Variants in AKAP1 observed in about 807,000 individuals in gnomAD.
AKAP1 encodes the protein A-kinase anchor protein 1, mitochondrial.
AKAP1 carries 32 observed loss-of-function variants against 79.8 expected under a neutral mutation model. The ratio of observed to expected loss-of-function variants is 0.40; its 90% confidence interval spans 0.30 to 0.54. The LOEUF (loss-of-function observed/expected upper bound fraction) is 0.54, where lower values mean the gene tolerates loss of function less well. Ranked by LOEUF, AKAP1 falls within the 20% of genes least tolerant of loss-of-function variation. The pLI, the probability that AKAP1 is intolerant of heterozygous loss-of-function variation, is 0.47. For missense variants in AKAP1, 961 were observed against 1,138.9 expected, an observed-to-expected ratio of 0.84 and a Z score of 2.25; for synonymous variants, 416 against 466.7, an observed-to-expected ratio of 0.89 and a Z score of 1.40.
At chr17:57,116,836 C>T (rs1405545785) in intron 7 of AKAP1, 24 bp from the exon 8 acceptor site, 3 of 1,611,764 alleles carry the variant, frequency 1.9e-6, no homozygotes, top group Admixed American at 3.3e-5. Context: ...CCACATTAAA[C>T]TTGTTCCTTT....
chr17:57,104,445 A>T (rs1914719302), intron 1 of AKAP1, among the ~76,000 whole-genome samples: 1 of 152,200 alleles, frequency 6.6e-6, no homozygotes, highest in African/African-American at 2.4e-5. Flanking sequence ...CTTACAATGG[A>T]GTTACATCCT....
In AKAP1 at chr17:57,105,632, A is replaced by T; in HGVS notation, c.168A>T (p.Glu56Asp). 6.2e-7 allele frequency: 1 copy of T among 1,613,870 alleles called. No individual in the cohort carries two copies. Among genetic ancestry groups the T allele is most frequent in the South Asian group, 1.1e-5 (1 of 91,062 alleles). The stretch of plus-strand genomic sequence containing the variant: ...TGAGGGCTGACCCTGCCATCAAGGA[A>T]CCTCTCCCCGTGGAAGACGTCTGTC... ...VQLRADPAIK[E>D]PLPVEDVCPK... Residue 56 changes from glutamate (E) to aspartate (D), a missense_variant, in exon 2 of 11, where the codon GAA becomes GAT. By Grantham distance (45) the Glu-to-Asp change is conservative. Transcript: ENST00000337714.
At chr17:57,112,410 G>C in intron 4 of AKAP1, 81 bp from the exon 5 acceptor site, 13 of 1,534,926 alleles carry the variant, frequency 8.5e-6, no homozygotes, top group Non-Finnish European at 1.1e-5. Context: ...GTGGAGTGGG[G>C]TCTGTGGCTG....
At chr17:57,108,443 A>G (rs1915030924) in intron 2 of AKAP1, among the ~76,000 whole-genome samples, 1 of 152,186 alleles carries the variant, frequency 6.6e-6, no homozygotes, top group Non-Finnish European at 1.5e-5. Flanking sequence ...TTTAAGAATA[A>G]AGGAGTTTCC....
At position 57,086,259 on chromosome 17, in the gene AKAP1, A is replaced by T; in HGVS notation, c.-25+861A>T. Reference sequence around the variant, plus strand: ...GTCTGCGATCTGGAGGGACCGCGCCAGTTTTGGGGTTACGATGTGCTAGGA... The same window carrying T: ...GTCTGCGATCTGGAGGGACCGCGCCTGTTTTGGGGTTACGATGTGCTAGGA... On this transcript the variant is annotated intron_variant, in intron 1 of 10. Coordinates refer to ENST00000337714, the MANE Select transcript of AKAP1 (RefSeq NM_003488.4). This position sits in a 1 kb window ranked among gnomAD's most constrained non-coding sequence, Gnocchi z 5.1. 1 of 342,662 alleles carries T rather than the reference A, an allele frequency of 2.9e-6. No homozygotes were observed. Among genetic ancestry groups the T allele is most frequent in the Admixed American group, 3.9e-5 (1 of 25,802 alleles). 21.2% of individuals were successfully genotyped at this position (342,662 alleles called of 1,614,324 possible). A position where few individuals can be genotyped will look rare whatever the true frequency, so the allele number is the denominator to read the frequency against.
In AKAP1 at chr17:57,106,161, G is replaced by A; in HGVS notation, c.697G>A (p.Gly233Ser). Residue 233 changes from glycine to serine, a missense_variant, in exon 2 of 11, where the codon GGC becomes AGC. Transcript: ENST00000337714. ...TGTCTTGGAATTGGAGAACAGCAAGGGCCCCAGCCTGGCCTCTTTAGAGGG... is the reference window on the plus strand; with the variant it reads ...TGTCTTGGAATTGGAGAACAGCAAGAGCCCCAGCCTGGCCTCTTTAGAGGG... ...EHVLELENSKGPSLASLEGEE... is the reference protein window; with the variant it reads ...EHVLELENSKSPSLASLEGEE... 1.9e-6 allele frequency: 3 copies of A among 1,612,596 alleles called. No homozygotes were observed. In the South Asian group the frequency reaches 3.3e-5, roughly 18 times the overall value.
intron 3 of AKAP1, 103 bp downstream of exon 3, chr17:57,110,261 A>G (rs951428899): frequency 6.7e-7 from 1 of 1,487,890 alleles, no homozygotes. Context: ...GAGGGACAGT[A>G]AACCAGAAGG....
intron 1 of AKAP1, chr17:57,098,701 A>G (rs1425070860): frequency 2.0e-5 from 3 of 152,030 alleles, no homozygotes; most frequent in Admixed American, 2.0e-4. Context: ...ACCAATTCCA[A>G]GAAGTCTGTT....
intron 2 of AKAP1, chr17:57,107,990 T>C: frequency 1.6e-6 from 2 of 1,288,872 alleles, no homozygotes; most frequent in Non-Finnish European, 2.0e-6. Flanking sequence ...GATAACGAGG[T>C]GTCCTGGGTT....
At chr17:57,110,254 G>C in intron 3 of AKAP1, 96 bp downstream of exon 3, 1 of 1,514,814 alleles carries the variant, frequency 6.6e-7, no homozygotes, top group Non-Finnish European at 8.9e-7. Flanking sequence ...GCTGGGAGAG[G>C]GACAGTAAAC....
rs1337249764 is a variant in AKAP1, at chr17:57,111,926, T to C, written c.1975+2T>C. The C allele has an allele frequency of 6.2e-7, 1 of 1,611,338 alleles. No homozygotes were observed. Among genetic ancestry groups the C allele is most frequent in the African/African-American group, 1.3e-5 (1 of 74,980 alleles). On this transcript the variant is annotated splice_donor_variant, in intron 4 of 10. Transcript: ENST00000337714. LOFTEE classifies it high-confidence loss of function. ...GCGTCCAGATCTGCCACATAGAAGG[T>C]CAGTAACATCTGCTGCTTGTATTGC...
At chr17:57,117,138 A>G (rs970088985) in intron 8 of AKAP1, among the ~76,000 whole-genome samples, 2 of 152,200 alleles carry the variant, frequency 1.3e-5, no homozygotes, top group Non-Finnish European at 2.9e-5. Context: ...ATCCTTTGAG[A>G]TCCACTGCTC....
chr17:57,098,912 C>T (rs1914299546), intron 1 of AKAP1, among the ~76,000 whole-genome samples: 2 of 145,406 alleles, frequency 1.4e-5, no homozygotes, highest in Non-Finnish European at 3.0e-5. Flanking sequence ...CAGGTGCCCG[C>T]CACCAAGCCC....
chr17:57,105,341 C>A, intron 1 of AKAP1, 100 bp from the exon 2 acceptor site: 1 of 1,183,542 alleles, frequency 8.4e-7, no homozygotes, highest in Non-Finnish European at 1.2e-6. Flanking sequence ...GAGGAGATGG[C>A]TCCAGCTCTA....
intron 1 of AKAP1, among the ~76,000 whole-genome samples, chr17:57,102,079 A>G (rs1345262062): frequency 6.6e-6 from 1 of 152,120 alleles, no homozygotes; most frequent in East Asian, 1.9e-4. Flanking sequence ...CAGCCTGTGC[A>G]GAGGTACGTG....
At position 57,118,403 on chromosome 17, in the gene AKAP1, A is replaced by C; in HGVS notation, c.2523A>C (p.Glu841Asp). The change falls in exon 9 of 11, where the codon GAA becomes GAC. Residue 841 changes from glutamate (E) to aspartate (D), a missense_variant. Around this residue, in one of 3 missense-constraint regions of AKAP1, gnomAD observed 629 missense variants for 781.1 expected, o/e 0.81. Transcript: ENST00000337714. ...PLSDDDQFSP[E>D]ADAAMSEMTG... ...AAGACGATGACCAGTTTTCACCGGA[A>C]GCAGATGCCGCCATGAGCGAGATGA... is the stretch of plus-strand genomic sequence containing the variant. 6.2e-7 allele frequency: 1 copy of C among 1,613,960 alleles called. No individual in the cohort carries two copies. The highest frequency in any genetic ancestry group is 8.5e-7 in the Non-Finnish European group (1 of 1,179,948).
chr17:57,109,634 T>C (rs1958120580), intron 2 of AKAP1, among the ~76,000 whole-genome samples: 1 of 152,082 alleles, frequency 6.6e-6, no homozygotes, highest in East Asian at 1.9e-4. Flanking sequence ...GTCAAGGTGT[T>C]TGTGGTCCAT....
intron 2 of AKAP1, chr17:57,107,912 T>G (rs1369513577): frequency 7.9e-7 from 1 of 1,264,732 alleles, no homozygotes; most frequent in Non-Finnish European, 1.0e-6. Context: ...CTGTCACCTT[T>G]GCAGAAAGCC....
At chr17:57,117,019 T>A in intron 8 of AKAP1, 92 bp downstream of exon 8, 2 of 1,285,282 alleles carry the variant, frequency 1.6e-6, no homozygotes, top group Non-Finnish European at 2.3e-6. Flanking sequence ...CTGGAGGATT[T>A]ATGCTAACAT....
Sources: gnomAD v4.1 joint callset for allele counts (sites outside exome capture counted in the v4.1 genomes callset) on GRCh38, gnomAD v4.1.1 for gene constraint, gnomAD v4.1.1 regional missense constraint, Gnocchi (gnomAD v3.1) non-coding constraint, MANE v1.5 for transcripts, NCBI Gene and HGNC (gene_info 2026-07-23, HGNC 2026-07-21) for gene names.